Variants in EFCAB5 observed in about 807,000 individuals in gnomAD.
EFCAB5 encodes the protein EF-hand calcium binding domain 5, also known as EF-hand calcium-binding domain-containing protein 5.
EFCAB5 carries 131 observed loss-of-function variants against 167.9 expected under a neutral mutation model. That is an observed-to-expected ratio of 0.78 (90% CI 0.68 to 0.90). The LOEUF is 0.90. Among genes scored for constraint, EFCAB5 ranks in the 40% least tolerant of loss-of-function variants. EFCAB5 has a pLI of 0.00. For synonymous variants in EFCAB5, 574 were observed against 602.8 expected (o/e 0.95, Z 0.70); for missense variants, 1,663 against 1,745.2 (o/e 0.95, Z 0.84).
At position 29,969,030 on chromosome 17, in the gene EFCAB5, G is replaced by GA. The variant is rs767553068; in HGVS notation, c.437dup (p.Ala147GlyfsTer2). 3 of 1,595,154 alleles carry GA rather than the reference G, an allele frequency of 1.9e-6. No individual in the cohort carries two copies. Among genetic ancestry groups the GA allele is most frequent in the Non-Finnish European group, 8.5e-7 (1 of 1,172,376 alleles). On this transcript the variant is annotated frameshift_variant, in exon 4 of 23. Transcript: ENST00000394835. LOFTEE classifies it high-confidence loss of function. ...TAAGGAAAATCTGAAGAAGGAACTAGAAAAAAAGGCTGAAAAAAAACTCCC... is the reference window on the plus strand; with the variant it reads ...TAAGGAAAATCTGAAGAAGGAACTAGAAAAAAAAGGCTGAAAAAAAACTCCC...
chr17:30,028,444 GAC>G (rs1022563080), intron 7 of EFCAB5, among the ~76,000 whole-genome samples: 1 of 152,098 alleles, frequency 6.6e-6, no homozygotes, highest in Non-Finnish European at 1.5e-5. Flanking sequence ...AGCATGGAAA[GAC>G]AGAAAAAATA....
intron 3 of EFCAB5, among the ~76,000 whole-genome samples, chr17:29,962,037 A>C (rs2067729610): frequency 6.6e-6 from 1 of 152,146 alleles, no homozygotes; most frequent in African/African-American, 2.4e-5. Context: ...ATCCTATTTT[A>C]TTAGTCTATA....
At chr17:30,062,444 A>G (rs1328701555) in intron 14 of EFCAB5, among the ~76,000 whole-genome samples, 2 of 152,158 alleles carry the variant, frequency 1.3e-5, no homozygotes, top group African/African-American at 4.8e-5. Flanking sequence ...CCCCATTGAC[A>G]CCTTGGACAC....
intron 1 of EFCAB5, chr17:29,930,134 G>A (rs1490319730): frequency 1.2e-6 from 1 of 828,864 alleles, no homozygotes; most frequent in Non-Finnish European, 1.9e-6. Context: ...GAGGCCGCGG[G>A]AACGGCCGCA....
chr17:30,088,536 A>G (rs2071132652), intron 19 of EFCAB5, among the ~76,000 whole-genome samples: 1 of 152,188 alleles, frequency 6.6e-6, no homozygotes, highest in Non-Finnish European at 1.5e-5. Context: ...TGTCTTTTTT[A>G]TTTAAAGAAG....
chr17:30,010,591 CATAA>C (rs2068874492), intron 7 of EFCAB5, among the ~76,000 whole-genome samples: 1 of 152,224 alleles, frequency 6.6e-6, no homozygotes, highest in South Asian at 2.1e-4. Context: ...CTGTTGGCTG[CATAA>C]ATGTCTTCTT....
At chr17:30,091,264 C>T (rs2071189867) in intron 20 of EFCAB5, among the ~76,000 whole-genome samples, 1 of 152,154 alleles carries the variant, frequency 6.6e-6, no homozygotes, top group Non-Finnish European at 1.5e-5. Context: ...ATTCCACATC[C>T]ACTAGGCTAC....
intron 18 of EFCAB5, among the ~76,000 whole-genome samples, chr17:30,085,092 C>T (rs1018409347): frequency 6.6e-6 from 1 of 151,942 alleles, no homozygotes; most frequent in Non-Finnish European, 1.5e-5. Flanking sequence ...CTTTATTAAA[C>T]GCCCCTTAAA....
At chr17:30,056,207 T>G in intron 12 of EFCAB5, 51 bp downstream of exon 12, 1 of 1,485,486 alleles carries the variant, frequency 6.7e-7, no homozygotes, top group Non-Finnish European at 9.2e-7. Flanking sequence ...ATAGATGGAT[T>G]TAATTTACTG....
intron 2 of EFCAB5, 115 bp from the exon 3 acceptor site, chr17:29,943,450 A>T (rs1385176456): frequency 1.2e-6 from 1 of 808,240 alleles, no homozygotes; most frequent in Non-Finnish European, 1.9e-6. Flanking sequence ...ATTAACTAGG[A>T]ATGTTTGGTT....
intron 7 of EFCAB5, among the ~76,000 whole-genome samples, chr17:30,027,653 C>T (rs563713981): frequency 6.6e-6 from 1 of 152,162 alleles, no homozygotes; most frequent in East Asian, 1.9e-4. Flanking sequence ...TCCTGGCTTG[C>T]CTGGGACTGA....
intron 3 of EFCAB5, among the ~76,000 whole-genome samples, chr17:29,953,068 G>A (rs1042618528): frequency 2.0e-5 from 3 of 152,002 alleles, no homozygotes; most frequent in Admixed American, 6.6e-5. Flanking sequence ...TAAATAAGGG[G>A]CACCCAAATA....
At chr17:30,022,201 T>C (rs1382188154) in intron 7 of EFCAB5, among the ~76,000 whole-genome samples, 1 of 152,202 alleles carries the variant, frequency 6.6e-6, no homozygotes, top group Non-Finnish European at 1.5e-5. Flanking sequence ...GAATGTTTAC[T>C]TCTGGTCTCT....
At chr17:30,100,891 T>C (rs1254698523) in intron 22 of EFCAB5, among the ~76,000 whole-genome samples, 1 of 152,128 alleles carries the variant, frequency 6.6e-6, no homozygotes, top group Non-Finnish European at 1.5e-5. Context: ...AAAAGAGTAT[T>C]CCAGGCAGAG....
chr17:30,107,722 T>C (rs1420648059), intron 22 of EFCAB5, 112 bp from the exon 23 acceptor site: 1 of 970,880 alleles, frequency 1.0e-6, no homozygotes, highest in Non-Finnish European at 1.4e-6. Context: ...TTCTGCTTGG[T>C]TTTGACTCAA....
chr17:29,982,337 C>T (rs1849376187), intron 4 of EFCAB5, among the ~76,000 whole-genome samples: 3 of 151,986 alleles, frequency 2.0e-5, no homozygotes, highest in Non-Finnish European at 4.4e-5. Context: ...GTGGAGGTTG[C>T]AGTGAGCCAA....
At chr17:29,954,780 A>G (rs894246580) in intron 3 of EFCAB5, among the ~76,000 whole-genome samples, 1 of 152,204 alleles carries the variant, frequency 6.6e-6, no homozygotes, top group Non-Finnish European at 1.5e-5. Context: ...AAAGCCAGAG[A>G]CGTTCAATGC....
intron 7 of EFCAB5, among the ~76,000 whole-genome samples, chr17:30,014,537 C>T (rs1459801680): frequency 6.6e-6 from 1 of 152,202 alleles, no homozygotes; most frequent in African/African-American, 2.4e-5. Flanking sequence ...TTGAATTGAA[C>T]CCTTTACCAT....
intron 7 of EFCAB5, among the ~76,000 whole-genome samples, chr17:30,006,550 G>A (rs541836223): frequency 6.6e-6 from 1 of 152,064 alleles, no homozygotes; most frequent in African/African-American, 2.4e-5. Flanking sequence ...TCTTTTTATA[G>A]GTAGCTAATT....
Sources: gnomAD v4.1 joint callset for allele counts (sites outside exome capture counted in the v4.1 genomes callset) on GRCh38, gnomAD v4.1.1 for gene constraint, MANE v1.5 for transcripts, NCBI Gene and HGNC (gene_info 2026-07-23, HGNC 2026-07-21) for gene names.